FAM227B: variants seen among roughly 807,000 people sequenced by gnomAD.
FAM227B encodes protein FAM227B.
Under a neutral mutation model 73.8 loss-of-function variants are expected in FAM227B, and 88 were observed. That is an observed-to-expected ratio of 1.19 (90% confidence interval 1.00 to 1.42). The LOEUF is 1.42. Ranked by LOEUF, FAM227B falls within the 40% of genes most tolerant of loss-of-function variation. The probability of loss-of-function intolerance (pLI) is 0.00; values close to 1 mark genes in which losing one functional copy is unlikely to be tolerated. For synonymous variants in FAM227B, 210 were observed against 190.5 expected (o/e 1.10, Z -0.84); for missense variants, 632 against 590.9 (o/e 1.07, Z -0.72).
chr15:49,581,330 C>CT (rs752126650), intron 5 of FAM227B, among the ~76,000 whole-genome samples: 4,771 of 144,036 alleles, frequency 0.033, 196 homozygotes, highest in African/African-American at 0.098. Context: ...ATTCAGTATT[C>CT]TTTTTTTTTT....
chr15:49,404,019 CAAAAGTT>C (rs942313100), intron 11 of FAM227B, among the ~76,000 whole-genome samples: 6 of 152,070 alleles, frequency 3.9e-5, no homozygotes, highest in African/African-American at 1.4e-4. Context: ...ATTATTTACC[CAAAAGTT>C]ATTTGGGAGC....
chr15:49,375,425 T>A (rs986894528), intron 11 of FAM227B, among the ~76,000 whole-genome samples: 1 of 152,164 alleles, frequency 6.6e-6, no homozygotes, highest in Non-Finnish European at 1.5e-5. Flanking sequence ...ATGAATTATA[T>A]TTGTATCTCT....
chr15:49,517,184 T>C (rs1011496491), intron 10 of FAM227B, among the ~76,000 whole-genome samples: 1 of 152,164 alleles, frequency 6.6e-6, no homozygotes, highest in East Asian at 1.9e-4. Context: ...ATCCTTTTTT[T>C]CTCTTATTGT....
chr15:49,545,288 A>G (rs543781184), intron 9 of FAM227B, among the ~76,000 whole-genome samples: 1 of 152,264 alleles, frequency 6.6e-6, no homozygotes, highest in South Asian at 2.1e-4. Flanking sequence ...GTGTGCATAA[A>G]GGTGTTCATA....
intron 11 of FAM227B, among the ~76,000 whole-genome samples, chr15:49,502,128 T>C (rs2058187394): frequency 6.6e-6 from 1 of 152,210 alleles, no homozygotes; most frequent in South Asian, 2.1e-4. Context: ...AGAGCCCTCA[T>C]AGATAACTTT....
chr15:49,422,176 G>T (rs1347745972), intron 11 of FAM227B, among the ~76,000 whole-genome samples: 2 of 144,528 alleles, frequency 1.4e-5, no homozygotes, highest in Non-Finnish European at 3.0e-5. Context: ...GCGCGCGCGC[G>T]CGTGCACGCG....
chr15:49,586,769 T>A (rs1246720177), intron 5 of FAM227B, among the ~76,000 whole-genome samples: 1 of 151,808 alleles, frequency 6.6e-6, no homozygotes, highest in African/African-American at 2.4e-5. Context: ...CCAACAAACA[T>A]GAAAAAAACT....
intron 13 of FAM227B, chr15:49,365,682 CA>C (rs2045035127): frequency 3.2e-6 from 3 of 938,516 alleles, no homozygotes; most frequent in Non-Finnish European, 5.3e-6. Context: ...TGAAGCTGGC[CA>C]ACTTCAGTGT....
At chr15:49,348,015 G>A (rs1450741868) in intron 13 of FAM227B, among the ~76,000 whole-genome samples, 6 of 75,760 alleles carry the variant, frequency 7.9e-5, no homozygotes, top group Admixed American at 1.9e-4. Context: ...GCAAAACTCT[G>A]TCTCAAAAAA....
At chr15:49,588,324 G>A (rs1266763755) in intron 4 of FAM227B, among the ~76,000 whole-genome samples, 7 of 150,596 alleles carry the variant, frequency 4.6e-5, no homozygotes, top group Middle Eastern at 6.8e-3. Context: ...ACATGTCTGT[G>A]GCACTTACTC....
At chr15:49,437,710 T>C (rs1206172625) in intron 11 of FAM227B, among the ~76,000 whole-genome samples, 2 of 151,700 alleles carry the variant, frequency 1.3e-5, no homozygotes, top group Admixed American at 1.3e-4. Context: ...ATTGCAATAT[T>C]TACTGAGCAT....
At chr15:49,334,196 C>G (rs2039299997) in intron 14 of FAM227B, 1 of 957,532 alleles carries the variant, frequency 1.0e-6, no homozygotes, top group Admixed American at 6.2e-5. Flanking sequence ...TTAAGCACTA[C>G]CAAGCTGAAT....
At chr15:49,494,608 A>G (rs1333389793) in intron 11 of FAM227B, among the ~76,000 whole-genome samples, 1 of 152,012 alleles carries the variant, frequency 6.6e-6, no homozygotes, top group Non-Finnish European at 1.5e-5. Flanking sequence ...CACAGTATTC[A>G]TACCAGTCTA....
chr15:49,523,778 T>C (rs1246289400), intron 10 of FAM227B, among the ~76,000 whole-genome samples: 1 of 152,184 alleles, frequency 6.6e-6, no homozygotes, highest in Non-Finnish European at 1.5e-5. Flanking sequence ...TGAAATCCAG[T>C]CTGAAGTGGT....
intron 11 of FAM227B, among the ~76,000 whole-genome samples, chr15:49,489,843 A>ATATATATAT (rs2056833236): frequency 1.4e-4 from 2 of 14,470 alleles, no homozygotes; most frequent in Admixed American, 1.5e-3. Context: ...TATATATTTT[A>ATATATATAT]TATATATATA....
intron 9 of FAM227B, among the ~76,000 whole-genome samples, chr15:49,555,533 T>C (rs1053304690): frequency 3.9e-5 from 6 of 152,248 alleles, no homozygotes; most frequent in African/African-American, 1.4e-4. Flanking sequence ...GACTTGGATA[T>C]GGTCTTCTTG....
At chr15:49,451,708 T>C (rs768324750) in intron 11 of FAM227B, among the ~76,000 whole-genome samples, 20 of 152,142 alleles carry the variant, frequency 1.3e-4, no homozygotes, top group Non-Finnish European at 2.4e-4. Context: ...TCATGAAACA[T>C]GTCTTCTAAA....
chr15:49,494,425 A>G (rs2057418737), intron 11 of FAM227B, among the ~76,000 whole-genome samples: 1 of 152,158 alleles, frequency 6.6e-6, no homozygotes, highest in African/African-American at 2.4e-5. Flanking sequence ...AACAAGGTCC[A>G]GTATTGTCCT....
chr15:49,495,788 A>C (rs2152072667), intron 11 of FAM227B, among the ~76,000 whole-genome samples: 1 of 152,212 alleles, frequency 6.6e-6, no homozygotes, highest in South Asian at 2.1e-4. Flanking sequence ...TTTGGGAGGC[A>C]AAGGTGGGCA....
Sources: gnomAD v4.1 joint callset for allele counts (sites outside exome capture counted in the v4.1 genomes callset) on GRCh38, gnomAD v4.1.1 for gene constraint, MANE v1.5 for transcripts, NCBI Gene and HGNC (gene_info 2026-07-23, HGNC 2026-07-21) for gene names.